CD36: variants seen among roughly 807,000 people sequenced by gnomAD.
CD36 encodes the protein CD36 molecule (CD36 blood group).
Under a neutral mutation model 55.2 loss-of-function variants are expected in CD36, and 119 were observed. The ratio of observed to expected loss-of-function variants is 2.15; its 90% CI spans 1.86 to 2.51. The LOEUF (loss-of-function observed/expected upper bound fraction) is 2.51, where lower values mean the gene tolerates loss of function less well. CD36 is among the 30% of genes most tolerant of loss of function. The pLI is 0.00. For synonymous variants in CD36, 186 were observed against 193.6 expected (o/e 0.96, Z 0.33); for missense variants, 819 against 555.5 (o/e 1.47, Z -4.77).
rs140951723 is a variant in CD36, at chr7:80,606,797, G to T, written c.-184+4418G>T. Among the ~76,000 whole-genome samples the T allele has an allele frequency of 5.6e-3, 850 of 152,170 alleles. 7 individuals are homozygous for T. Among genetic ancestry groups the T allele is most frequent in the African/African-American group, 0.019 (798 of 41,528 alleles). The stretch of plus-strand genomic sequence containing the variant: ...TACTGTTCTTTGCTAGCCTAGTCAC[G>T]TATCCCCTCAAAACCCTCTCTGAAA... On this transcript the variant is annotated intron_variant, in intron 1 of 13. Transcript: ENST00000309881.
At chr7:80,606,165 T>C (rs898261368) in intron 1 of CD36, among the ~76,000 whole-genome samples, 1 of 152,232 alleles carries the variant, frequency 6.6e-6, no homozygotes, top group Admixed American at 6.5e-5. Context: ...TTAAGAATTT[T>C]GAATCACGTA....
intron 1 of CD36, among the ~76,000 whole-genome samples, chr7:80,612,540 T>C (rs1792930653): frequency 6.6e-6 from 1 of 152,302 alleles, no homozygotes; most frequent in African/African-American, 2.4e-5. Context: ...AATCCTGCAG[T>C]TGGGAATTAT....
intron 3 of CD36, among the ~76,000 whole-genome samples, chr7:80,653,928 T>G (rs996049999): frequency 2.0e-5 from 3 of 152,174 alleles, no homozygotes; most frequent in Admixed American, 2.0e-4. Flanking sequence ...GACCTGATTT[T>G]TCTATTATCT....
chr7:80,646,686 C>T lies in CD36; in HGVS notation c.-55C>T. 1.2e-6 allele frequency: 2 copies of T among 1,609,742 alleles called. No individual in the cohort carries two copies. The highest frequency in any genetic ancestry group is 1.1e-5 in the South Asian group (1 of 90,948). ...TTGTAGAAACCACTTTAATCATATC[C>T]AGGAGTTTGCAAGAAACAGGTGCTT... On this transcript the variant is annotated 5_prime_UTR_variant, in exon 3 of 15. Transcript: ENST00000447544.
intron 3 of CD36, among the ~76,000 whole-genome samples, chr7:80,653,710 A>G (rs1795800005): frequency 6.6e-6 from 1 of 152,194 alleles, no homozygotes; most frequent in Non-Finnish European, 1.5e-5. Context: ...ATTTAAAATC[A>G]AGTTCTTTTA....
At chr7:80,603,841 G>A (rs1792385850) in intron 1 of CD36, among the ~76,000 whole-genome samples, 1 of 151,736 alleles carries the variant, frequency 6.6e-6, no homozygotes, top group African/African-American at 2.4e-5. Context: ...TTGTAGAGTG[G>A]GATGATTAAA....
intron 12 of CD36, 133 bp downstream of exon 12, chr7:80,672,976 C>CAATCATTATTAAATGCTTATGACT (rs1797862769): frequency 1.4e-6 from 1 of 698,060 alleles, no homozygotes; most frequent in Non-Finnish European, 2.6e-6. Context: ...TTAATGTCAC[C>CAATCATTATTAAATGCTTATGACT]AATCATTATT....
intron 1 of CD36, chr7:80,623,754 G>A (rs1233855156): frequency 3.3e-5 from 5 of 152,110 alleles, no homozygotes; most frequent in Non-Finnish European, 7.4e-5. Flanking sequence ...GTGGTTCCTA[G>A]GAGGACTGTA....
chr7:80,646,833 C>T lies in CD36; in HGVS notation c.93C>T (p.Asp31=), dbSNP rs868333686. 6.2e-7 allele frequency: 1 copy of T among 1,613,902 alleles called. No homozygotes were observed. The highest frequency in any genetic ancestry group is 1.7e-4 in the Middle Eastern group (1 of 6,058). ...VFGGILMPVG[D]LLIQKTIKKQ... The stretch of plus-strand genomic sequence containing the variant: ...GAGGTATTCTAATGCCAGTTGGAGA[C>T]CTGCTTATCCAGAAGACAATTAAAA... Residue 31 remains aspartate (D), a synonymous_variant, in exon 3 of 15, where the codon GAC becomes GAT. Coordinates refer to ENST00000447544, the MANE Select transcript of CD36 (RefSeq NM_001001548.3).
At chr7:80,634,605 C>T (rs187090184), upstream of CD36, among the ~76,000 whole-genome samples, 35 of 152,116 alleles carry the variant, frequency 2.3e-4, no homozygotes, top group African/African-American at 6.7e-4. Flanking sequence ...AGGAATCACA[C>T]GGGCCATGTG....
chr7:80,649,180 T>A (rs1795409239), intron 3 of CD36, among the ~76,000 whole-genome samples: 1 of 152,130 alleles, frequency 6.6e-6, no homozygotes, highest in Non-Finnish European at 1.5e-5. Context: ...GAAGTTGCTG[T>A]TATTTTACTC....
At position 80,669,959 on chromosome 7, in the gene CD36, C is replaced by CACTCGATTTTTAAA. The variant is rs1433102145; in HGVS notation, c.755_756insACTCGATTTTTAAA (p.Ser253LeufsTer4). 6.2e-6 allele frequency: 10 copies of CACTCGATTTTTAAA among 1,611,056 alleles called. No individual in the cohort carries two copies. In the African/African-American group the frequency reaches 1.2e-4, roughly 19 times the overall value. On this transcript the variant is annotated stop_gained and frameshift_variant, in exon 9 of 15. Coordinates refer to ENST00000447544, the MANE Select transcript of CD36 (RefSeq NM_001001548.3). LOFTEE classifies it high-confidence loss of function. ...CCACTCGATTTTTAAACAGATGCAG[C>CACTCGATTTTTAAA]CTCATTTCCACCTTTTGTTGAGAAA...
intron 3 of CD36, among the ~76,000 whole-genome samples, chr7:80,654,866 T>A (rs1417449364): frequency 1.6e-5 from 2 of 125,264 alleles, no homozygotes; most frequent in African/African-American, 3.2e-5. Flanking sequence ...ACCAACTAAG[T>A]GCAGAGGGTG....
intron 8 of CD36, among the ~76,000 whole-genome samples, chr7:80,669,404 A>AAG (rs1797426187): frequency 1.3e-5 from 2 of 152,142 alleles, no homozygotes; most frequent in African/African-American, 4.8e-5. Context: ...ATGTTAAAAT[A>AAG]TTTTGGATAT....
At position 80,662,993 on chromosome 7, in the gene CD36, G is replaced by T; in HGVS notation, c.433G>T (p.Ala145Ser). 1 of 1,609,968 alleles carries T rather than the reference G, an allele frequency of 6.2e-7. No homozygotes were observed. Residue 145 changes from alanine to serine, a missense_variant, in exon 6 of 15, where the codon GCA (alanine) becomes TCA (serine). By Grantham distance (99) the Ala-to-Ser change is moderately conservative (BLOSUM62 1). Transcript: ENST00000447544. ...AACAGTGACTTTGTTTTTGTAGGCT[G>T]CATCCCATATCTATCAAAATCAATT... The part of the protein sequence containing the change: ...FTVLNLAVAA[A>S]SHIYQNQFVQ...
intron 1 of CD36, among the ~76,000 whole-genome samples, chr7:80,606,530 A>G (rs10499858): frequency 0.12 from 17,708 of 152,170 alleles, 1,486 homozygotes; most frequent in East Asian, 0.34. Context: ...ATGCCTCTCA[A>G]TGATGTCCTA....
intron 7 of CD36, chr7:80,666,110 T>C (rs1162747447): frequency 1.6e-5 from 5 of 311,612 alleles, no homozygotes; most frequent in South Asian, 6.5e-5. Flanking sequence ...ACTGAGTAAT[T>C]CATGTATCCC....
chr7:80,616,461 A>G (rs879646628), intron 1 of CD36, among the ~76,000 whole-genome samples: 143 of 150,756 alleles, frequency 9.5e-4, no homozygotes, highest in Admixed American at 1.6e-3. Flanking sequence ...CTGCACGCAC[A>G]CACACACACA....
At chr7:80,603,097 C>A (rs1257151377) in intron 1 of CD36, among the ~76,000 whole-genome samples, 1 of 151,982 alleles carries the variant, frequency 6.6e-6, no homozygotes, top group Non-Finnish European at 1.5e-5. Flanking sequence ...TGTTACATAG[C>A]AGAATTTTTA....
Sources: allele counts gnomAD v4.1 joint callset (sites outside exome capture counted in the v4.1 genomes callset), GRCh38; gene constraint gnomAD v4.1.1; transcripts MANE v1.5; gene names NCBI Gene and HGNC (gene_info 2026-07-23, HGNC 2026-07-21).